Variants in CCDC91 observed in about 807,000 individuals in gnomAD.
CCDC91 encodes the protein coiled-coil domain-containing protein 91.
Under a neutral mutation model 63.2 loss-of-function variants are expected in CCDC91, and 48 were observed. The observed-to-expected ratio is 0.76, with a 90% CI of 0.60 to 0.97. CCDC91 has a LOEUF of 0.97. Among genes scored for constraint, CCDC91 ranks in the 50% least tolerant of loss-of-function variants. The pLI is 0.00. For synonymous variants in CCDC91, 167 were observed against 165.8 expected, an observed-to-expected ratio of 1.01 and a Z score of -0.06; for missense variants, 500 against 494.6, an observed-to-expected ratio of 1.01 and a Z score of -0.10.
chr12:28,388,741 C>G (rs1216372012), intron 7 of CCDC91, among the ~76,000 whole-genome samples: 5 of 152,012 alleles, frequency 3.3e-5, no homozygotes, highest in African/African-American at 1.2e-4. Flanking sequence ...AGAAAGCAAA[C>G]AAAAACAAGT....
At chr12:28,406,810 A>ATTTTTTTT (rs375722489) in intron 8 of CCDC91, among the ~76,000 whole-genome samples, 1 of 148,092 alleles carries the variant, frequency 6.8e-6, no homozygotes, top group Non-Finnish European at 1.5e-5. Context: ...GATTTTAACT[A>ATTTTTTTT]TTTTTTTTTG....
chr12:28,283,524 A>G (rs1015821254), intron 3 of CCDC91, among the ~76,000 whole-genome samples: 2 of 147,798 alleles, frequency 1.4e-5, no homozygotes, highest in Admixed American at 1.3e-4. Flanking sequence ...TTATTGGTGT[A>G]TAGCAGTGGC....
chr12:28,448,704 A>G (rs114754184), intron 8 of CCDC91, among the ~76,000 whole-genome samples: 1 of 152,012 alleles, frequency 6.6e-6, no homozygotes, highest in African/African-American at 2.4e-5. Context: ...AACTCCAAAA[A>G]TTTTATTCTG....
intron 12 of CCDC91, among the ~76,000 whole-genome samples, chr12:28,520,850 T>C (rs1331958137): frequency 6.6e-6 from 1 of 152,212 alleles, no homozygotes; most frequent in African/African-American, 2.4e-5. Context: ...ATTTCTTGTT[T>C]TTGTCAGGTT....
At chr12:28,388,534 T>C (rs547175966) in intron 7 of CCDC91, among the ~76,000 whole-genome samples, 32 of 152,236 alleles carry the variant, frequency 2.1e-4, no homozygotes, top group African/African-American at 7.0e-4. Flanking sequence ...ATAAAATACT[T>C]AGGAATATAC....
At chr12:28,215,167 A>G (rs1047304635) in intron 1 of CCDC91, among the ~76,000 whole-genome samples, 2 of 152,156 alleles carry the variant, frequency 1.3e-5, no homozygotes, top group African/African-American at 2.4e-5. Context: ...TGTAACTTAC[A>G]CTATTGGCTT....
intron 6 of CCDC91, among the ~76,000 whole-genome samples, chr12:28,310,916 C>T (rs1007592312): frequency 1.3e-5 from 2 of 151,928 alleles, no homozygotes; most frequent in Non-Finnish European, 2.9e-5. Flanking sequence ...CTCAGTGTTA[C>T]TATTGATAGT....
At chr12:28,467,537 G>T (rs1468023008) in intron 11 of CCDC91, among the ~76,000 whole-genome samples, 1 of 151,974 alleles carries the variant, frequency 6.6e-6, no homozygotes, top group East Asian at 1.9e-4. Flanking sequence ...CTCACCTTCA[G>T]TATTGGACAC....
chr12:28,437,660 T>C (rs1323595897), intron 8 of CCDC91, among the ~76,000 whole-genome samples: 1 of 152,148 alleles, frequency 6.6e-6, no homozygotes, highest in Non-Finnish European at 1.5e-5. Flanking sequence ...TTCATATCTT[T>C]TTAAATGTTT....
intron 9 of CCDC91, 29 bp from the exon 10 acceptor site, chr12:28,450,321 G>A (rs765385487): frequency 3.8e-6 from 6 of 1,599,760 alleles, no homozygotes; most frequent in Non-Finnish European, 5.1e-6. Flanking sequence ...TACATTTAAT[G>A]TCTTTCCAAC....
At chr12:28,446,830 C>T (rs555326755) in intron 8 of CCDC91, among the ~76,000 whole-genome samples, 8 of 152,214 alleles carry the variant, frequency 5.3e-5, no homozygotes, top group Non-Finnish European at 1.0e-4. Flanking sequence ...CAAAAATGTC[C>T]ACTTCAGAAA....
intron 7 of CCDC91, among the ~76,000 whole-genome samples, chr12:28,373,920 T>C (rs1173973843): frequency 6.6e-6 from 1 of 152,194 alleles, no homozygotes; most frequent in Non-Finnish European, 1.5e-5. Flanking sequence ...CCCGCCACCC[T>C]ATGAAGAAGG....
intron 3 of CCDC91, among the ~76,000 whole-genome samples, chr12:28,286,532 G>A (rs182773589): frequency 6.6e-6 from 1 of 152,292 alleles, no homozygotes; most frequent in East Asian, 1.9e-4. Flanking sequence ...TCCTGCAAAG[G>A]ACATGATCTC....
At chr12:28,371,692 C>G (rs187727405) in intron 7 of CCDC91, among the ~76,000 whole-genome samples, 2 of 152,178 alleles carry the variant, frequency 1.3e-5, no homozygotes, top group Non-Finnish European at 2.9e-5. Flanking sequence ...GTTCTGCATC[C>G]ATGAATTGAA....
At chr12:28,540,488 C>G (rs1160627569) in intron 12 of CCDC91, among the ~76,000 whole-genome samples, 3 of 152,072 alleles carry the variant, frequency 2.0e-5, no homozygotes, top group Non-Finnish European at 4.4e-5. Context: ...AGATATTGTG[C>G]CAAGGCCTCT....
chr12:28,395,712 C>G (rs1294945936), intron 8 of CCDC91, among the ~76,000 whole-genome samples: 3 of 152,106 alleles, frequency 2.0e-5, no homozygotes, highest in South Asian at 2.1e-4. Context: ...GGGCTATCAT[C>G]AGAAAAACCG....
At chr12:28,359,132 G>A in intron 6 of CCDC91, among the ~76,000 whole-genome samples, 1 of 152,132 alleles carries the variant, frequency 6.6e-6, no homozygotes, top group East Asian at 1.9e-4. Flanking sequence ...CTGACCTTGT[G>A]ATCTGCCCGC....
chr12:28,271,746 A>G (rs749432416), intron 3 of CCDC91, among the ~76,000 whole-genome samples: 8 of 151,874 alleles, frequency 5.3e-5, no homozygotes, highest in Non-Finnish European at 1.2e-4. Flanking sequence ...TAGTATCTTT[A>G]GCCTCCTCTT....
intron 1 of CCDC91, among the ~76,000 whole-genome samples, chr12:28,196,383 C>T (rs560942355): frequency 3.2e-4 from 49 of 152,326 alleles, no homozygotes; most frequent in African/African-American, 1.1e-3. Flanking sequence ...GTAGCTACTG[C>T]TGTCTGCTGG....
Sources: allele counts gnomAD v4.1 joint callset (sites outside exome capture counted in the v4.1 genomes callset), GRCh38; gene constraint gnomAD v4.1.1; transcripts MANE v1.5; gene names NCBI Gene and HGNC (gene_info 2026-07-23, HGNC 2026-07-21).